Variants in GABBR2 observed in about 807,000 individuals in gnomAD.
GABBR2 encodes gamma-aminobutyric acid type B receptor subunit 2, also known as G-protein coupled receptor 51.
Under a neutral mutation model 105.6 loss-of-function variants are expected in GABBR2, and 23 were observed. The observed-to-expected ratio is 0.22, with a 90% CI of 0.16 to 0.31. The LOEUF (loss-of-function observed/expected upper bound fraction) is 0.31, where lower values mean the gene tolerates loss of function less well. Among genes scored for constraint, GABBR2 ranks in the 10% least tolerant of loss-of-function variants. The probability of loss-of-function intolerance (pLI) is 1.00; values close to 1 mark genes in which losing one functional copy is unlikely to be tolerated. For missense variants in GABBR2, 734 were observed against 1,245.5 expected (o/e 0.59, Z 6.18); for synonymous variants, 478 against 499.7 (o/e 0.96, Z 0.58).
intron 6 of GABBR2, among the ~76,000 whole-genome samples, chr9:98,457,177 TG>T (rs1246525616): frequency 6.6e-6 from 1 of 152,256 alleles, no homozygotes; most frequent in African/African-American, 2.4e-5. Context: ...TTTGCTCCTA[TG>T]AGCTTTCTCC....
At chr9:98,308,828 C>T (rs1225533839) in intron 14 of GABBR2, among the ~76,000 whole-genome samples, 1 of 152,220 alleles carries the variant, frequency 6.6e-6, no homozygotes, top group Non-Finnish European at 1.5e-5. Flanking sequence ...TTTTGTAAGC[C>T]ACTGTTTTGT....
intron 1 of GABBR2, among the ~76,000 whole-genome samples, chr9:98,637,059 C>G (rs1274150784): frequency 1.3e-5 from 2 of 152,152 alleles, no homozygotes; most frequent in African/African-American, 2.4e-5. Context: ...CTTTCAAGGG[C>G]AACCCATCCC....
At chr9:98,666,287 G>A (rs1830332188) in intron 1 of GABBR2, among the ~76,000 whole-genome samples, 1 of 152,180 alleles carries the variant, frequency 6.6e-6, no homozygotes, top group Non-Finnish European at 1.5e-5. Context: ...ATGGTGCTGT[G>A]GCCCAACAGG....
At chr9:98,455,880 GC>G (rs1477188911) in intron 6 of GABBR2, among the ~76,000 whole-genome samples, 1 of 152,172 alleles carries the variant, frequency 6.6e-6, no homozygotes, top group Non-Finnish European at 1.5e-5. Flanking sequence ...ATGAATCCTG[GC>G]CGGGAGTCTG....
At chr9:98,669,313 A>C (rs7868757) in intron 1 of GABBR2, among the ~76,000 whole-genome samples, 17,518 of 152,218 alleles carry the variant, frequency 0.12, 1,143 homozygotes, top group African/African-American at 0.17. Context: ...AGGTTGGTGA[A>C]CTTGACCATT....
chr9:98,556,553 A>G (rs975688684), intron 2 of GABBR2, among the ~76,000 whole-genome samples: 6 of 152,116 alleles, frequency 3.9e-5, no homozygotes, highest in African/African-American at 1.4e-4. Flanking sequence ...GTCATCCAGG[A>G]TCAGTGGCTG....
At chr9:98,557,886 G>A (rs1198104940) in intron 2 of GABBR2, among the ~76,000 whole-genome samples, 4 of 152,184 alleles carry the variant, frequency 2.6e-5, no homozygotes, top group Non-Finnish European at 5.9e-5. Context: ...AAAGTGATAT[G>A]AAAATGATAA....
intron 1 of GABBR2, among the ~76,000 whole-genome samples, chr9:98,660,134 T>C (rs1252060754): frequency 6.6e-6 from 1 of 152,182 alleles, no homozygotes; most frequent in African/African-American, 2.4e-5. Flanking sequence ...ATATCAATAT[T>C]TATTCAATCA....
At chr9:98,513,114 T>C (rs1588205667) in intron 3 of GABBR2, among the ~76,000 whole-genome samples, 1 of 152,140 alleles carries the variant, frequency 6.6e-6, no homozygotes, top group Non-Finnish European at 1.5e-5. Flanking sequence ...CATCTACAAC[T>C]ATCTGATCTT....
intron 13 of GABBR2, among the ~76,000 whole-genome samples, chr9:98,356,141 T>G (rs1831479645): frequency 6.6e-6 from 1 of 152,098 alleles, no homozygotes; most frequent in South Asian, 2.1e-4. Flanking sequence ...TGGCAATGAG[T>G]GTTTTGATAC....
chr9:98,556,949 CAGA>C (rs1320539114), intron 2 of GABBR2, among the ~76,000 whole-genome samples: 2 of 152,134 alleles, frequency 1.3e-5, no homozygotes, highest in South Asian at 2.1e-4. Flanking sequence ...GAGGCTGAGG[CAGA>C]AGAATTGCTT....
intron 1 of GABBR2, among the ~76,000 whole-genome samples, chr9:98,671,238 C>A (rs180759751): frequency 6.6e-6 from 1 of 152,122 alleles, no homozygotes; most frequent in Admixed American, 6.5e-5. Context: ...ACATTTCACA[C>A]GAATGGAATC....
chr9:98,383,611 G>A (rs1481518308), intron 11 of GABBR2, among the ~76,000 whole-genome samples: 4 of 152,152 alleles, frequency 2.6e-5, no homozygotes, highest in Non-Finnish European at 5.9e-5. Flanking sequence ...CTGGGGACTC[G>A]ACCACACACT....
intron 13 of GABBR2, among the ~76,000 whole-genome samples, chr9:98,319,306 G>A (rs1830779159): frequency 6.6e-6 from 1 of 152,176 alleles, no homozygotes; most frequent in Non-Finnish European, 1.5e-5. Context: ...GAGCGCTGGA[G>A]CTGGGAGGAA....
chr9:98,583,365 C>T (rs987940459), intron 1 of GABBR2, among the ~76,000 whole-genome samples: 4 of 152,226 alleles, frequency 2.6e-5, no homozygotes, highest in African/African-American at 9.6e-5. Context: ...CAGTCAGCCC[C>T]TCAGGGGCGT....
intron 13 of GABBR2, among the ~76,000 whole-genome samples, chr9:98,342,905 C>T (rs1363037719): frequency 2.0e-5 from 3 of 152,204 alleles, no homozygotes; most frequent in East Asian, 1.9e-4. Flanking sequence ...TATGAAGATA[C>T]CAGCTGTTTC....
At chr9:98,311,821 TGAG>T (rs1475486120) in intron 13 of GABBR2, among the ~76,000 whole-genome samples, 1 of 152,204 alleles carries the variant, frequency 6.6e-6, no homozygotes, top group African/African-American at 2.4e-5. Flanking sequence ...CAGATACCTA[TGAG>T]GTTTCCTCCT....
At chr9:98,349,343 AGTTTTGTTTTTTTTTT>A (rs775606779) in intron 13 of GABBR2, among the ~76,000 whole-genome samples, 3 of 35,574 alleles carry the variant, frequency 8.4e-5, no homozygotes, top group Non-Finnish European at 1.9e-4. Flanking sequence ...ATTTTGTTGA[AGTTTTGTTTTTTTTTT>A]TTTTTTTTTT....
intron 2 of GABBR2, among the ~76,000 whole-genome samples, chr9:98,575,784 A>C (rs1828898653): frequency 6.6e-6 from 1 of 152,168 alleles, no homozygotes; most frequent in South Asian, 2.1e-4. Flanking sequence ...ACCAGAGCAC[A>C]TGGCTGCTTT....
Sources: gnomAD v4.1 joint callset for allele counts (sites outside exome capture counted in the v4.1 genomes callset) on GRCh38, gnomAD v4.1.1 for gene constraint, MANE v1.5 for transcripts, NCBI Gene and HGNC (gene_info 2026-07-23, HGNC 2026-07-21) for gene names.